Variants in L3MBTL3 observed in about 807,000 individuals in gnomAD.
The protein encoded by L3MBTL3 is L3MBTL histone methyl-lysine binding protein 3.
Under a neutral mutation model 102.3 loss-of-function variants are expected in L3MBTL3, and 27 were observed. The observed-to-expected ratio is 0.26, with a 90% CI of 0.19 to 0.36. The LOEUF (loss-of-function observed/expected upper bound fraction) is 0.36. Ranked by LOEUF, L3MBTL3 falls within the 10% of genes least tolerant of loss-of-function variation. The probability of loss-of-function intolerance (pLI) is 1.00; values close to 1 mark genes in which losing one functional copy is unlikely to be tolerated. For missense variants in L3MBTL3, 798 were observed against 955.3 expected (o/e 0.84, Z 2.17); for synonymous variants, 340 against 320.9 (o/e 1.06, Z -0.64).
chr6:130,090,950 A>G (rs1349185337), intron 16 of L3MBTL3, among the ~76,000 whole-genome samples: 1 of 151,890 alleles, frequency 6.6e-6, no homozygotes, highest in African/African-American at 2.4e-5. Flanking sequence ...ATAATGAGCT[A>G]TTTGCCTCCA....
chr6:130,071,414 CTTA>C (rs1302468096), intron 13 of L3MBTL3, among the ~76,000 whole-genome samples: 1 of 152,028 alleles, frequency 6.6e-6, no homozygotes, highest in African/African-American at 2.4e-5. Context: ...ATCTTCCCTT[CTTA>C]TTTTCATGCC....
chr6:130,091,468 A>G (rs1784041588), intron 16 of L3MBTL3, among the ~76,000 whole-genome samples: 1 of 152,136 alleles, frequency 6.6e-6, no homozygotes, highest in Non-Finnish European at 1.5e-5. Context: ...AATAACCTAA[A>G]AAAAACATGG....
chr6:130,057,317 G>A lies in L3MBTL3; in HGVS notation c.668-89G>A, dbSNP rs77490962. Reference sequence around the variant, plus strand: ...GGAAGTCAGAGAAGAGCCAGGCAGCGTATCAGTCAGGGACGTGTGAGTTCA... The same window carrying A: ...GGAAGTCAGAGAAGAGCCAGGCAGCATATCAGTCAGGGACGTGTGAGTTCA... On this transcript the variant is annotated intron_variant, in intron 8 of 22. Transcript: ENST00000361794. The A allele has an allele frequency of 3.1e-3, 2,951 of 939,180 alleles. 8 individuals are homozygous for A. Among genetic ancestry groups the A allele is most frequent in the Non-Finnish European group, 4.2e-3 (2,493 of 590,050 alleles). The allele number at this position is 939,180 out of a possible 1,614,324, so 58.2% of individuals were successfully genotyped here.
chr6:130,050,374 C>T (rs1015506757), intron 5 of L3MBTL3, among the ~76,000 whole-genome samples: 2 of 152,234 alleles, frequency 1.3e-5, no homozygotes, highest in African/African-American at 4.8e-5. Context: ...CCCAACACAT[C>T]ATGTGGTTTC....
At position 130,051,455 on chromosome 6, in the gene L3MBTL3, A is replaced by G. The variant is rs747084661; in HGVS notation, c.449+47A>G. ...TCTATAAATTGAGTTTTAGATTCCA[A>G]AGTCATGGTGCCTGAGAATATAGAA... On this transcript the variant is annotated intron_variant, in intron 6 of 22. Transcript: ENST00000361794. The G allele has an allele frequency of 1.0e-5, 15 of 1,502,568 alleles. No individual in the cohort carries two copies. The South Asian group carries it at 1.7e-4, about 17-fold the overall frequency. 93.1% of individuals were successfully genotyped at this position (1,502,568 alleles called of 1,614,324 possible).
At chr6:130,104,788 T>G (rs1363765011) in intron 19 of L3MBTL3, among the ~76,000 whole-genome samples, 2 of 152,026 alleles carry the variant, frequency 1.3e-5, no homozygotes, top group African/African-American at 4.8e-5. Flanking sequence ...CAGGCAGGAT[T>G]TTTCTCTGAC....
chr6:130,061,674 G>A (rs1781911549), intron 10 of L3MBTL3, among the ~76,000 whole-genome samples: 1 of 152,090 alleles, frequency 6.6e-6, no homozygotes, highest in Non-Finnish European at 1.5e-5. Flanking sequence ...CTTTTGAGTT[G>A]GAAGAGGAGG....
At chr6:130,106,564 G>A (rs1232147733) in intron 19 of L3MBTL3, among the ~76,000 whole-genome samples, 1 of 152,178 alleles carries the variant, frequency 6.6e-6, no homozygotes, top group African/African-American at 2.4e-5. Flanking sequence ...AATCAAGCAA[G>A]AAATGAAAAT....
chr6:130,019,832 G>T (rs2114370523), intron 1 of L3MBTL3, among the ~76,000 whole-genome samples: 1 of 147,812 alleles, frequency 6.8e-6, no homozygotes, highest in South Asian at 2.1e-4. Context: ...GAAGCGAGGC[G>T]GCGCGGGCCC....
intron 19 of L3MBTL3, among the ~76,000 whole-genome samples, chr6:130,106,517 C>T (rs1270691371): frequency 2.0e-5 from 3 of 152,180 alleles, no homozygotes; most frequent in Non-Finnish European, 4.4e-5. Flanking sequence ...TCAGTTGAGC[C>T]TCCCTTTCTG....
At chr6:130,047,034 A>G (rs1780767675) in intron 3 of L3MBTL3, among the ~76,000 whole-genome samples, 1 of 152,234 alleles carries the variant, frequency 6.6e-6, no homozygotes, top group African/African-American at 2.4e-5. Context: ...TGCATATGAC[A>G]GAATATTTTG....
intron 2 of L3MBTL3, among the ~76,000 whole-genome samples, chr6:130,023,105 T>C (rs1199134186): frequency 6.6e-6 from 1 of 152,188 alleles, no homozygotes; most frequent in East Asian, 1.9e-4. Context: ...TCTGCCTGTT[T>C]TCCTGCCCTC....
At chr6:130,107,353 A>G (rs889396639) in intron 19 of L3MBTL3, among the ~76,000 whole-genome samples, 2 of 152,222 alleles carry the variant, frequency 1.3e-5, no homozygotes, top group African/African-American at 4.8e-5. Flanking sequence ...CCACATAACC[A>G]GGATGCAGTA....
intron 2 of L3MBTL3, among the ~76,000 whole-genome samples, chr6:130,041,049 T>G (rs1780390177): frequency 1.3e-5 from 2 of 152,216 alleles, no homozygotes; most frequent in Non-Finnish European, 2.9e-5. Context: ...GCAAAGAATG[T>G]GTGAGTATTT....
chr6:130,131,557 G>T (rs1049442152), intron 20 of L3MBTL3, among the ~76,000 whole-genome samples: 1 of 152,328 alleles, frequency 6.6e-6, no homozygotes, highest in Non-Finnish European at 1.5e-5. Context: ...CCCAGGAGAG[G>T]ATTCTTGGGT....
intron 16 of L3MBTL3, among the ~76,000 whole-genome samples, chr6:130,091,306 G>A (rs1489564838): frequency 6.6e-6 from 1 of 152,130 alleles, no homozygotes; most frequent in Non-Finnish European, 1.5e-5. Flanking sequence ...TAAGGAATGA[G>A]AGGTTCATAG....
chr6:130,050,498 GA>G (rs1781030679), intron 5 of L3MBTL3, among the ~76,000 whole-genome samples: 1 of 152,210 alleles, frequency 6.6e-6, no homozygotes, highest in South Asian at 2.1e-4. Flanking sequence ...CTTTCTATCA[GA>G]AAATCCTTCT....
chr6:130,114,255 A>G (rs868588906), intron 19 of L3MBTL3, among the ~76,000 whole-genome samples: 3 of 152,304 alleles, frequency 2.0e-5, no homozygotes, highest in South Asian at 2.1e-4. Flanking sequence ...CAGCCATTCA[A>G]AGTGCAGGGA....
At chr6:130,117,325 G>C (rs1785781467) in intron 19 of L3MBTL3, among the ~76,000 whole-genome samples, 1 of 150,780 alleles carries the variant, frequency 6.6e-6, no homozygotes, top group Non-Finnish European at 1.5e-5. Flanking sequence ...TGGCTGCATA[G>C]TATTCCATGG....
Sources: allele counts gnomAD v4.1 joint callset (sites outside exome capture counted in the v4.1 genomes callset), GRCh38; gene constraint gnomAD v4.1.1; transcripts MANE v1.5; gene names NCBI Gene and HGNC (gene_info 2026-07-23, HGNC 2026-07-21).